The following ARHGEF18 variants were observed in gnomAD, a reference collection of about 807,000 sequenced individuals.
ARHGEF18 encodes Rho/Rac guanine nucleotide exchange factor 18, also known as rho guanine nucleotide exchange factor 18.
ARHGEF18 carries 93 observed loss-of-function variants against 155.7 expected under a neutral mutation model. The observed-to-expected ratio is 0.60, with a 90% CI of 0.50 to 0.71. The LOEUF is 0.71. ARHGEF18 is among the 30% of genes least tolerant of loss of function. ARHGEF18 has a pLI of 0.00. For synonymous variants in ARHGEF18, 742 were observed against 753.1 expected, an observed-to-expected ratio of 0.99 and a Z score of 0.24; for missense variants, 1,593 against 1,816.1, an observed-to-expected ratio of 0.88 and a Z score of 2.23.
intron 10 of ARHGEF18, among the ~76,000 whole-genome samples, chr19:7,438,970 T>A (rs1974448556): frequency 6.6e-6 from 1 of 151,884 alleles, no homozygotes; most frequent in Non-Finnish European, 1.5e-5. Context: ...ACTCCCGGGT[T>A]CAAGCGATTC....
Position 7,380,681 on chromosome 19 carries a change from C to T in ARHGEF18, c.645-236C>T, listed in dbSNP as rs1466180826. On this transcript the variant is annotated intron_variant, in intron 7 of 28. Coordinates refer to ENST00000668164, the MANE Select transcript of ARHGEF18 (RefSeq NM_001367823.1). ...CCTGGGCAACAGAGGGAGACGCCAT[C>T]TCTATTAAAAAAGAAAAAAAACATC... is the stretch of plus-strand genomic sequence containing the variant. Among the ~76,000 whole-genome samples, 164 of 152,064 alleles carry T rather than the reference C, an allele frequency of 1.1e-3. 4 individuals are homozygous for T. The highest frequency in any genetic ancestry group is 1.9e-4 in the Non-Finnish European group (13 of 67,990).
chr19:7,457,274 A>G (rs1975894533), intron 18 of ARHGEF18, among the ~76,000 whole-genome samples: 1 of 150,416 alleles, frequency 6.6e-6, no homozygotes, highest in African/African-American at 2.5e-5. Flanking sequence ...CTCTGTGCTA[A>G]TCTCCTCTTG....
At chr19:7,421,242 C>T (rs1432832202) in intron 10 of ARHGEF18, among the ~76,000 whole-genome samples, 4 of 152,124 alleles carry the variant, frequency 2.6e-5, no homozygotes, top group African/African-American at 9.7e-5. Flanking sequence ...CCTTGAACAG[C>T]ACGGGTTTCA....
chr19:7,357,503 T>G (rs1190396176), intron 1 of ARHGEF18, among the ~76,000 whole-genome samples: 1 of 152,038 alleles, frequency 6.6e-6, no homozygotes, highest in Non-Finnish European at 1.5e-5. Flanking sequence ...TGGGACTGAA[T>G]CCAGGCTGAT....
intron 10 of ARHGEF18, among the ~76,000 whole-genome samples, chr19:7,432,807 G>A (rs918954858): frequency 6.6e-6 from 1 of 152,236 alleles, no homozygotes; most frequent in Non-Finnish European, 1.5e-5. Context: ...CTGGAAGTCA[G>A]TGTGCCTCTA....
Position 7,395,095 on chromosome 19 carries a change from C to T in ARHGEF18, c.967+11892C>T, listed in dbSNP as rs1015884364. ...CTCTGCCCCGCCTCCGAGGCGGGAT[C>T]GCGCATGCGCTGCTCTCCTCGCGCG... is the stretch of plus-strand genomic sequence containing the variant. On this transcript the variant is annotated intron_variant, in intron 10 of 28. Transcript: ENST00000668164. The surrounding 1 kb of genome is among the most constrained non-coding windows in gnomAD (Gnocchi z 5.0). The T allele has an allele frequency of 2.0e-6, 2 of 985,498 alleles. No homozygotes were observed. Among genetic ancestry groups the T allele is most frequent in the Non-Finnish European group, 2.4e-6 (2 of 829,958 alleles). 61.0% of individuals were successfully genotyped at this position (985,498 alleles called of 1,614,324 possible).
chr19:7,438,176 C>T (rs1401018842), intron 10 of ARHGEF18, among the ~76,000 whole-genome samples: 3 of 149,848 alleles, frequency 2.0e-5, no homozygotes, highest in Non-Finnish European at 4.4e-5. Context: ...TCATAGCTCA[C>T]TGCAGCCTTG....
chr19:7,463,272 G>A lies in ARHGEF18; in HGVS notation c.2636-546G>A, dbSNP rs1324627705. ...GACATCCTTCCACCCGGCTCCAGTG[G>A]CCATTGTTCTTGGCCCCCTGGGGAC... On this transcript the variant is annotated intron_variant, in intron 21 of 28. Transcript: ENST00000668164. The surrounding 1 kb of genome is among the most constrained non-coding windows in gnomAD (Gnocchi z 5.2). Among the ~76,000 whole-genome samples the A allele has an allele frequency of 6.6e-6, 1 of 152,134 alleles. No homozygotes were observed. Among genetic ancestry groups the A allele is most frequent in the East Asian group, 1.9e-4 (1 of 5,184 alleles).
chr19:7,398,111 C>A (rs1372707106), intron 10 of ARHGEF18, among the ~76,000 whole-genome samples: 1 of 151,752 alleles, frequency 6.6e-6, no homozygotes, highest in Non-Finnish European at 1.5e-5. Context: ...CTCGCTCTGG[C>A]GCCCAGGCTG....
rs187603323 is a variant in ARHGEF18 at position 7,365,520 on chromosome 19, C to T, written c.15+2615C>T. On this transcript the variant is annotated intron_variant, in intron 2 of 28. Transcript: ENST00000668164. ...CCAGGACTGGAGTTTAGCCCTGCGC[C>T]CTCCCTGGGATCTGGACCTCTTTGA... 2.0e-3 allele frequency among the ~76,000 whole-genome samples: 298 copies of T among 152,300 alleles called. 2 individuals are homozygous for T. Among genetic ancestry groups the T allele is most frequent in the African/African-American group, 6.9e-3 (287 of 41,544 alleles).
chr19:7,436,008 T>C (rs937326609), intron 10 of ARHGEF18, among the ~76,000 whole-genome samples: 5 of 151,644 alleles, frequency 3.3e-5, no homozygotes, highest in African/African-American at 4.8e-5. Flanking sequence ...TAATTTTTTG[T>C]TGTTGTTTTT....
intron 5 of ARHGEF18, among the ~76,000 whole-genome samples, chr19:7,377,582 G>A (rs149439896): frequency 0.24 from 35,833 of 151,568 alleles, 4,416 homozygotes; most frequent in Non-Finnish European, 0.27. Flanking sequence ...CCAGGAGTTT[G>A]AGGCCAGCCT....
chr19:7,420,141 A>C (rs1475588116), intron 10 of ARHGEF18, among the ~76,000 whole-genome samples: 1 of 152,088 alleles, frequency 6.6e-6, no homozygotes, highest in Non-Finnish European at 1.5e-5. Context: ...TATTTTAGAG[A>C]TTGGGTCTTG....
At chr19:7,409,554 A>G (rs1204344425) in intron 10 of ARHGEF18, among the ~76,000 whole-genome samples, 1 of 151,222 alleles carries the variant, frequency 6.6e-6, no homozygotes. Flanking sequence ...CAGCCTCCCA[A>G]GTAGCTGGGA....
chr19:7,451,296 C>T (rs1032682253), intron 16 of ARHGEF18, 30 bp downstream of exon 16: 2 of 1,597,944 alleles, frequency 1.3e-6, no homozygotes, highest in Non-Finnish European at 1.7e-6. Flanking sequence ...CCCCGCCCGC[C>T]CGTGCTGCTG....
At chr19:7,477,225 G>A (rs1455148148), downstream of ARHGEF18, 2 of 1,526,920 alleles carry the variant, frequency 1.3e-6, no homozygotes, top group Non-Finnish European at 1.8e-6. Flanking sequence ...GCCTCGGCCT[G>A]GCCGCCGGCC....
chr19:7,370,227 G>T (rs546312610), intron 2 of ARHGEF18, among the ~76,000 whole-genome samples: 2 of 151,998 alleles, frequency 1.3e-5, no homozygotes, highest in East Asian at 3.9e-4. Context: ...TGGGCGCGGT[G>T]GCTCACGCCT....
intron 2 of ARHGEF18, among the ~76,000 whole-genome samples, chr19:7,364,755 A>C (rs1396413882): frequency 6.6e-6 from 1 of 152,190 alleles, no homozygotes; most frequent in East Asian, 1.9e-4. Flanking sequence ...AAGATGTGGC[A>C]TCTAGGAGGT....
At chr19:7,441,184 C>CCTT (rs1974621302) in intron 11 of ARHGEF18, among the ~76,000 whole-genome samples, 1 of 92,592 alleles carries the variant, frequency 1.1e-5, no homozygotes, top group African/African-American at 4.5e-5. Flanking sequence ...CCCCCCACCA[C>CCTT]TTTTTTTTTT....
Sources: gnomAD v4.1 joint callset for allele counts (sites outside exome capture counted in the v4.1 genomes callset) on GRCh38, gnomAD v4.1.1 for gene constraint, Gnocchi (gnomAD v3.1) non-coding constraint, MANE v1.5 for transcripts, NCBI Gene and HGNC (gene_info 2026-07-23, HGNC 2026-07-21) for gene names.